CDH18: variants seen among roughly 807,000 people sequenced by gnomAD.
The protein encoded by CDH18 is cadherin-18.
A neutral mutation model predicts 67.9 loss-of-function variants in CDH18; 31 were observed. The ratio of observed to expected loss-of-function variants is 0.46; its 90% confidence interval spans 0.34 to 0.62. The LOEUF (loss-of-function observed/expected upper bound fraction) is 0.62, where lower values mean the gene tolerates loss of function less well. Among genes scored for constraint, CDH18 ranks in the 20% least tolerant of loss-of-function variants. The pLI is 0.01. For synonymous variants in CDH18, 362 were observed against 347.2 expected (o/e 1.04, Z -0.48); for missense variants, 890 against 975.5 (o/e 0.91, Z 1.17).
At chr5:20,366,640 CT>C (rs1366240905) in intron 1 of CDH18, among the ~76,000 whole-genome samples, 6 of 152,124 alleles carry the variant, frequency 3.9e-5, no homozygotes, top group Non-Finnish European at 7.4e-5. Context: ...ATTTGCCCCC[CT>C]AACAGTGGAA....
At chr5:20,223,152 C>T (rs1263661878) in intron 2 of CDH18, among the ~76,000 whole-genome samples, 1 of 152,036 alleles carries the variant, frequency 6.6e-6, no homozygotes, top group African/African-American at 2.4e-5. Context: ...GGAGCTGTAC[C>T]CTGCAAAGTC....
rs545301958 is a variant in CDH18 at position 20,426,803 on chromosome 5, C to A, written c.-580+148659G>T. Among the ~76,000 whole-genome samples the A allele has an allele frequency of 2.0e-5, 3 of 151,050 alleles. No individual in the cohort carries two copies. The South Asian group carries it at 6.2e-4, about 31-fold the overall frequency. On this transcript the variant is annotated intron_variant, in intron 1 of 14. Coordinates refer to the CDH18 transcript ENST00000507958. Reference sequence around the variant, plus strand: ...CAATATAACTTTTAATGATATGCACCCCCTACCTTCTAATAGAAAGATAGG... The same window carrying A: ...CAATATAACTTTTAATGATATGCACACCCTACCTTCTAATAGAAAGATAGG...
In CDH18 at chr5:20,247,706, G is replaced by A. The variant is rs186828017; in HGVS notation, c.-518+7738C>T. On this transcript the variant is annotated intron_variant, in intron 2 of 14. Transcript: ENST00000507958. ...TTGAACCCGGGAGGCAGAGGTTGCA[G>A]TGAGCAGAGATCACGCCACTGCACT... 7.6e-3 allele frequency among the ~76,000 whole-genome samples: 1,151 copies of A among 151,334 alleles called. 5 individuals are homozygous for A. Among genetic ancestry groups the A allele is most frequent in the Non-Finnish European group, 0.011 (781 of 67,928 alleles).
chr5:19,517,940 G>A (rs1197112096), intron 10 of CDH18, among the ~76,000 whole-genome samples: 1 of 151,648 alleles, frequency 6.6e-6, no homozygotes, highest in Non-Finnish European at 1.5e-5. Context: ...GTTATTACCA[G>A]TAATTGAGAT....
chr5:19,495,205 A>T (rs1025775727), intron 11 of CDH18, among the ~76,000 whole-genome samples: 1 of 152,196 alleles, frequency 6.6e-6, no homozygotes, highest in Admixed American at 6.5e-5. Flanking sequence ...CAATTTAATT[A>T]AATTTGAAAG....
intron 10 of CDH18, among the ~76,000 whole-genome samples, chr5:19,503,355 T>G (rs1031589236): frequency 1.4e-4 from 21 of 151,418 alleles, no homozygotes; most frequent in African/African-American, 5.1e-4. Flanking sequence ...TGCAAACGCA[T>G]TGATTTTTTT....
chr5:20,230,324 T>C (rs1561895527), intron 2 of CDH18, among the ~76,000 whole-genome samples: 1 of 152,288 alleles, frequency 6.6e-6, no homozygotes, highest in South Asian at 2.1e-4. Context: ...ATGAAATTGG[T>C]CACTCTGGGC....
intron 1 of CDH18, among the ~76,000 whole-genome samples, chr5:20,542,694 A>G (rs558966962): frequency 6.6e-6 from 1 of 152,152 alleles, no homozygotes; most frequent in Non-Finnish European, 1.5e-5. Context: ...TTTTCTCCAC[A>G]TCATTTTACA....
chr5:20,439,319 A>C (rs1191295524), intron 1 of CDH18, among the ~76,000 whole-genome samples: 4 of 151,648 alleles, frequency 2.6e-5, no homozygotes, highest in Non-Finnish European at 4.4e-5. Flanking sequence ...GGATTCCTGC[A>C]CACTATTTAA....
At chr5:20,488,710 T>C (rs1010819350) in intron 1 of CDH18, among the ~76,000 whole-genome samples, 9 of 131,922 alleles carry the variant, frequency 6.8e-5, no homozygotes, top group Admixed American at 1.5e-4. Context: ...TACACACACA[T>C]ACAATTGTTT....
chr5:19,649,543 T>G (rs1305673608), intron 5 of CDH18, among the ~76,000 whole-genome samples: 5 of 152,068 alleles, frequency 3.3e-5, no homozygotes, highest in Admixed American at 6.6e-5. Flanking sequence ...CTTTGAATTC[T>G]AGCTGAGGTA....
At chr5:19,595,608 G>T (rs992527848) in intron 6 of CDH18, among the ~76,000 whole-genome samples, 1 of 152,198 alleles carries the variant, frequency 6.6e-6, no homozygotes, top group Non-Finnish European at 1.5e-5. Flanking sequence ...GGGCGACAGA[G>T]CGAGACTCCA....
intron 6 of CDH18, among the ~76,000 whole-genome samples, chr5:19,602,600 C>T (rs987210731): frequency 2.0e-5 from 3 of 151,880 alleles, no homozygotes; most frequent in Non-Finnish European, 4.4e-5. Context: ...GAAATTAGAA[C>T]TCTTGTGCCC....
At chr5:19,671,135 T>C (rs1758696948) in intron 5 of CDH18, among the ~76,000 whole-genome samples, 1 of 152,110 alleles carries the variant, frequency 6.6e-6, no homozygotes, top group African/African-American at 2.4e-5. Context: ...AGAAATTACG[T>C]TATTCAAGTA....
At chr5:19,523,516 A>C (rs189416) in intron 9 of CDH18, among the ~76,000 whole-genome samples, 1 of 150,436 alleles carries the variant, frequency 6.6e-6, no homozygotes, top group Non-Finnish European at 1.5e-5. Context: ...AAAAATAGGC[A>C]AATATTAATG....
chr5:20,185,222 T>C (rs1737995108), intron 2 of CDH18, among the ~76,000 whole-genome samples: 1 of 152,078 alleles, frequency 6.6e-6, no homozygotes, highest in Non-Finnish European at 1.5e-5. Context: ...ACATACTTTA[T>C]CAGATCACCT....
chr5:19,548,483 A>T (rs1018947942), intron 8 of CDH18, among the ~76,000 whole-genome samples: 7 of 152,140 alleles, frequency 4.6e-5, no homozygotes, highest in African/African-American at 1.7e-4. Context: ...TTAAATGCGT[A>T]TATGAGTTAT....
chr5:19,766,418 C>T (rs1028963491), intron 3 of CDH18, among the ~76,000 whole-genome samples: 1 of 152,126 alleles, frequency 6.6e-6, no homozygotes, highest in African/African-American at 2.4e-5. Context: ...CCCTTCTCTC[C>T]ATCACAGTTA....
chr5:19,831,517 A>AT (rs1781029646), intron 3 of CDH18, among the ~76,000 whole-genome samples: 1 of 152,112 alleles, frequency 6.6e-6, no homozygotes, highest in African/African-American at 2.4e-5. Context: ...ATCACCACTA[A>AT]TTATCAGAGA....
Sources: gnomAD v4.1 joint callset for allele counts (sites outside exome capture counted in the v4.1 genomes callset) on GRCh38, gnomAD v4.1.1 for gene constraint, MANE v1.5 for transcripts, NCBI Gene and HGNC (gene_info 2026-07-23, HGNC 2026-07-21) for gene names.